Variants in NAALADL2 observed in about 807,000 individuals in gnomAD.
NAALADL2 encodes the protein inactive N-acetylated-alpha-linked acidic dipeptidase-like protein 2.
A neutral mutation model predicts 87.2 loss-of-function variants in NAALADL2; 76 were observed. That is an observed-to-expected ratio of 0.87 (90% CI 0.72 to 1.05). The LOEUF (loss-of-function observed/expected upper bound fraction) is 1.05, where lower values mean the gene tolerates loss of function less well. Ranked by LOEUF, NAALADL2 falls within the 50% of genes least tolerant of loss-of-function variation. The pLI is 0.00. For synonymous variants in NAALADL2, 354 were observed against 331.0 expected, an observed-to-expected ratio of 1.07 and a Z score of -0.75; for missense variants, 1,089 against 945.8, an observed-to-expected ratio of 1.15 and a Z score of -1.99.
intron 3 of NAALADL2, among the ~76,000 whole-genome samples, chr3:174,830,669 T>G (rs1366238261): frequency 6.6e-6 from 1 of 152,198 alleles, no homozygotes; most frequent in Non-Finnish European, 1.5e-5. Flanking sequence ...TTGATGGGGA[T>G]GGCATTGAAT....
At chr3:174,880,420 C>A (rs1459444397) in intron 1 of NAALADL2, among the ~76,000 whole-genome samples, 2 of 152,126 alleles carry the variant, frequency 1.3e-5, no homozygotes, top group Non-Finnish European at 2.9e-5. Flanking sequence ...TTTGGAAATG[C>A]AATGTCTCTG....
At chr3:175,073,182 A>G (rs1715975829) in intron 1 of NAALADL2, among the ~76,000 whole-genome samples, 1 of 152,094 alleles carries the variant, frequency 6.6e-6, no homozygotes, top group African/African-American at 2.4e-5. Flanking sequence ...CTCCTCAGTT[A>G]CTAATGAGAC....
At chr3:174,502,083 A>G (rs142851470) in intron 1 of NAALADL2, among the ~76,000 whole-genome samples, 2 of 152,302 alleles carry the variant, frequency 1.3e-5, no homozygotes, top group African/African-American at 4.8e-5. Flanking sequence ...AGGAAAATAG[A>G]GAAGCTTAAG....
chr3:175,099,342 C>T (rs1721721296), intron 2 of NAALADL2, among the ~76,000 whole-genome samples: 1 of 152,150 alleles, frequency 6.6e-6, no homozygotes, highest in Non-Finnish European at 1.5e-5. Context: ...AGCATAACCA[C>T]TAGCAATTAC....
chr3:175,169,492 A>G (rs527431742), intron 2 of NAALADL2, among the ~76,000 whole-genome samples: 2 of 151,070 alleles, frequency 1.3e-5, no homozygotes, highest in Non-Finnish European at 3.0e-5. Context: ...ACATATACAA[A>G]TGATAATGGT....
At chr3:174,853,201 C>CAAAAAAAA (rs34303846) in intron 3 of NAALADL2, among the ~76,000 whole-genome samples, 841 of 45,572 alleles carry the variant, frequency 0.018, 60 homozygotes, top group Middle Eastern at 0.04. Context: ...CCGTCTCTAC[C>CAAAAAAAA]AAAAAAAAAA....
chr3:175,244,198 C>T (rs1435081740), intron 3 of NAALADL2, among the ~76,000 whole-genome samples: 1 of 152,244 alleles, frequency 6.6e-6, no homozygotes, highest in East Asian at 1.9e-4. Flanking sequence ...TAGTTTGCTT[C>T]AGGAAAATGC....
chr3:175,644,907 GT>G (rs1729788241), intron 11 of NAALADL2, among the ~76,000 whole-genome samples: 1 of 151,928 alleles, frequency 6.6e-6, no homozygotes, highest in Non-Finnish European at 1.5e-5. Context: ...GAAAATCCTA[GT>G]TTTACAGTTG....
At chr3:174,864,818 G>C (rs58629076) in intron 1 of NAALADL2, among the ~76,000 whole-genome samples, 1 of 151,964 alleles carries the variant, frequency 6.6e-6, no homozygotes, top group African/African-American at 2.4e-5. Context: ...ACAGTTTTTT[G>C]GGGGAGGACT....
intron 2 of NAALADL2, among the ~76,000 whole-genome samples, chr3:174,709,232 C>A (rs186338293): frequency 6.6e-6 from 1 of 152,222 alleles, no homozygotes; most frequent in Non-Finnish European, 1.5e-5. Flanking sequence ...GTCCTAAGGT[C>A]AGACATATTC....
At chr3:175,779,896 C>A (rs1194473916) in intron 13 of NAALADL2, among the ~76,000 whole-genome samples, 1 of 152,064 alleles carries the variant, frequency 6.6e-6, no homozygotes, top group Non-Finnish European at 1.5e-5. Context: ...ATTCCTATCA[C>A]ATGTAATATT....
intron 10 of NAALADL2, among the ~76,000 whole-genome samples, chr3:175,605,558 A>G (rs1218133645): frequency 1.3e-5 from 2 of 152,042 alleles, no homozygotes; most frequent in Non-Finnish European, 2.9e-5. Context: ...TCCTCTTTCA[A>G]TGTAAGCATA....
At chr3:175,458,692 T>G (rs532861146) in intron 6 of NAALADL2, among the ~76,000 whole-genome samples, 32 of 151,916 alleles carry the variant, frequency 2.1e-4, no homozygotes, top group African/African-American at 7.2e-4. Context: ...TGCCTTCTCA[T>G]TAAATGGAAT....
intron 3 of NAALADL2, among the ~76,000 whole-genome samples, chr3:174,794,071 C>T (rs1362218266): frequency 6.6e-6 from 1 of 151,972 alleles, no homozygotes; most frequent in African/African-American, 2.4e-5. Context: ...GTGAGAAGTC[C>T]AAGTTCCAAA....
chr3:175,574,898 C>T (rs966579142), intron 9 of NAALADL2, among the ~76,000 whole-genome samples: 1 of 148,562 alleles, frequency 6.7e-6, no homozygotes, highest in Admixed American at 6.6e-5. Flanking sequence ...ACTTGATGTT[C>T]TTATACTTAT....
At chr3:174,608,071 G>C (rs1055241713) in intron 2 of NAALADL2, among the ~76,000 whole-genome samples, 1 of 152,048 alleles carries the variant, frequency 6.6e-6, no homozygotes, top group Non-Finnish European at 1.5e-5. Flanking sequence ...TGACTACTGG[G>C]TACATAACGA....
At chr3:174,963,599 C>T (rs9835224) in intron 1 of NAALADL2, among the ~76,000 whole-genome samples, 3,094 of 152,154 alleles carry the variant, frequency 0.02, 101 homozygotes, top group African/African-American at 0.071. Flanking sequence ...AAGTTTCACA[C>T]GGCGTTGTGA....
chr3:175,038,730 C>A (rs1282246213), intron 1 of NAALADL2, among the ~76,000 whole-genome samples: 5 of 151,816 alleles, frequency 3.3e-5, no homozygotes, highest in African/African-American at 1.2e-4. Flanking sequence ...TTCAGAATAT[C>A]TGGGTTTAGC....
intron 1 of NAALADL2, among the ~76,000 whole-genome samples, chr3:174,951,265 C>G (rs186184167): frequency 9.5e-4 from 144 of 151,560 alleles, no homozygotes; most frequent in Middle Eastern, 3.4e-3. Flanking sequence ...TAAGTTGAGA[C>G]GTGAATGTAA....
Sources: allele counts gnomAD v4.1 joint callset (sites outside exome capture counted in the v4.1 genomes callset), GRCh38; gene constraint gnomAD v4.1.1; transcripts MANE v1.5; gene names NCBI Gene and HGNC (gene_info 2026-07-23, HGNC 2026-07-21).